Variants in IRAG2 observed in about 807,000 individuals in gnomAD.
The protein encoded by IRAG2 is lymphoid restricted membrane protein.
Under a neutral mutation model 69.9 loss-of-function variants are expected in IRAG2, and 45 were observed. The ratio of observed to expected loss-of-function variants is 0.64; its 90% CI spans 0.51 to 0.83. The LOEUF (loss-of-function observed/expected upper bound fraction) is 0.83. Ranked by LOEUF, IRAG2 falls within the 40% of genes least tolerant of loss-of-function variation. The pLI is 0.00. For missense variants in IRAG2, 520 were observed against 587.0 expected, an observed-to-expected ratio of 0.89 and a Z score of 1.18; for synonymous variants, 193 against 202.4, an observed-to-expected ratio of 0.95 and a Z score of 0.40.
At chr12:25,052,101 AC>A, upstream of IRAG2, 1 of 391,670 alleles carries the variant, frequency 2.6e-6, no homozygotes, top group African/African-American at 2.1e-5. Flanking sequence ...AAATACTTTC[AC>A]TTTTTCCTCT....
At chr12:25,011,354 C>T (rs1944473353) in exon 3 of IRAG2, 2 of 1,231,502 alleles carry the variant, frequency 1.6e-6, no homozygotes, top group Admixed American at 4.2e-5. Context: ...AACTGATCTG[C>T]TCTTCTTTTT....
chr12:25,059,499 G>A (rs1945475756), intron 1 of IRAG2, among the ~76,000 whole-genome samples: 1 of 151,988 alleles, frequency 6.6e-6, no homozygotes, highest in African/African-American at 2.4e-5. Context: ...CTACAGGTGT[G>A]TGCTACCATG....
chr12:25,101,734 G>A (rs1565590196), intron 16 of IRAG2, among the ~76,000 whole-genome samples: 1 of 152,216 alleles, frequency 6.6e-6, no homozygotes, highest in Non-Finnish European at 1.5e-5. Context: ...ACAGTAAGCT[G>A]ATTGATGAAC....
chr12:25,021,920 G>A (rs1944584260), intron 7 of IRAG2, among the ~76,000 whole-genome samples: 2 of 152,252 alleles, frequency 1.3e-5, no homozygotes, highest in Admixed American at 1.3e-4. Flanking sequence ...AGTCTATATG[G>A]ATGCATTATA....
upstream of IRAG2, among the ~76,000 whole-genome samples, chr12:25,002,787 GC>G (rs1944401922): frequency 6.6e-6 from 1 of 151,868 alleles, no homozygotes; most frequent in African/African-American, 2.4e-5. Context: ...GATTACAGTC[GC>G]CTGCCACCAT....
upstream of IRAG2, among the ~76,000 whole-genome samples, chr12:25,001,561 C>A (rs17376782): frequency 0.098 from 14,906 of 152,142 alleles, 898 homozygotes; most frequent in Non-Finnish European, 0.14. Context: ...GTTACAAATG[C>A]CTACAAAGTG....
At chr12:25,087,429 A>C (rs1947703625) in intron 10 of IRAG2, among the ~76,000 whole-genome samples, 2 of 151,766 alleles carry the variant, frequency 1.3e-5, no homozygotes, top group South Asian at 4.2e-4. Context: ...CAGCCTCCCA[A>C]AGTGTTGAGA....
intron 9 of IRAG2, among the ~76,000 whole-genome samples, chr12:25,027,398 C>CTTTTTTTTTTTTT (rs527395400): frequency 7.8e-6 from 1 of 128,484 alleles, no homozygotes. Flanking sequence ...CTTTTTTTTT[C>CTTTTTTTTTTTTT]TTTTTTTTTT....
At position 25,079,742 on chromosome 12, in the gene IRAG2, T is replaced by C. The variant is rs1244173730; in HGVS notation, c.223T>C (p.Ser75Pro). 1 of 1,613,452 alleles carries C rather than the reference T, an allele frequency of 6.2e-7. No individual in the cohort carries two copies. Among genetic ancestry groups the C allele is most frequent in the Admixed American group, 1.7e-5 (1 of 60,012 alleles). ...CKKEEDTRSA[S>P]PTIEAQGTSP... The stretch of plus-strand genomic sequence containing the variant: ...GAAAGAGGAGGATACAAGATCAGCT[T>C]CTCCCACGATAGAGGCCCAAGGTAA... The change falls in exon 9 of 22, where the codon TCT becomes CCT. Residue 75 changes from serine to proline, a missense_variant. Transcript: ENST00000556887.
chr12:25,081,905 G>T (rs765742280), intron 9 of IRAG2, among the ~76,000 whole-genome samples: 2 of 152,022 alleles, frequency 1.3e-5, no homozygotes, highest in Non-Finnish European at 2.9e-5. Flanking sequence ...GTTGGTTTTT[G>T]GTGCACATGG....
intron 11 of IRAG2, 75 bp from the exon 12 acceptor site, chr12:25,089,539 A>G (rs1947884121): frequency 1.2e-6 from 1 of 809,494 alleles, no homozygotes; most frequent in African/African-American, 1.7e-5. Context: ...TTTAGTGGAG[A>G]TATAACATTA....
At chr12:25,025,110 A>C (rs1360357894) in intron 8 of IRAG2, among the ~76,000 whole-genome samples, 6 of 152,216 alleles carry the variant, frequency 3.9e-5, no homozygotes, top group Non-Finnish European at 7.3e-5. Context: ...AAGATCTTAG[A>C]GCTATTCTAA....
intron 3 of IRAG2, among the ~76,000 whole-genome samples, chr12:25,013,070 G>C (rs1229902057): frequency 1.3e-5 from 2 of 152,172 alleles, no homozygotes; most frequent in East Asian, 3.8e-4. Flanking sequence ...TAGCCCATGT[G>C]GTGGACTGTG....
At position 25,013,866 on chromosome 12, in the gene IRAG2, C is replaced by CTTTTTTTTTTTTTTTTTTTTTTTTTTTT. The variant is rs71063386; in HGVS notation, c.897-1290_897-1289insTTTTTTTTTTTTTTTTTTTTTTTTTTTT. 1.0e-4 allele frequency among the ~76,000 whole-genome samples: 8 copies of CTTTTTTTTTTTTTTTTTTTTTTTTTTTT among 79,530 alleles called. 3 individuals carry two copies. Among genetic ancestry groups the CTTTTTTTTTTTTTTTTTTTTTTTTTTTT allele is most frequent in the Non-Finnish European group, 9.0e-5 (4 of 44,494 alleles). 52.2% of individuals were successfully genotyped at this position (79,530 alleles called of 152,430 possible). A position where few individuals can be genotyped will look rare whatever the true frequency, so the allele number is the denominator to read the frequency against. On this transcript the variant is annotated intron_variant, in intron 3 of 38. Coordinates refer to the IRAG2 transcript ENST00000636465. Reference sequence around the variant, plus strand: ...GGTTTTAATTTTTTGTTTTCTTTTTCTTTTTTTTTTTTTTTTTTTTTTTTT... The same window carrying CTTTTTTTTTTTTTTTTTTTTTTTTTTTT: ...GGTTTTAATTTTTTGTTTTCTTTTTCTTTTTTTTTTTTTTTTTTTTTTTTTTTTTTTTTTTTTTTTTTTTTTTTTTTTT...
At chr12:25,072,561 A>G (rs78554097) in intron 6 of IRAG2, among the ~76,000 whole-genome samples, 7,363 of 152,290 alleles carry the variant, frequency 0.048, 195 homozygotes, top group Middle Eastern at 0.11. Context: ...AAGCATTGTC[A>G]TTGGTAATAA....
chr12:25,043,844 T>C (rs1401377404), intron 16 of IRAG2, among the ~76,000 whole-genome samples: 4 of 152,180 alleles, frequency 2.6e-5, no homozygotes, highest in African/African-American at 9.7e-5. Context: ...TAGGAAAATA[T>C]GTTGCAAACA....
At chr12:25,041,431 T>C (rs1283148880) in intron 16 of IRAG2, among the ~76,000 whole-genome samples, 1 of 152,164 alleles carries the variant, frequency 6.6e-6, no homozygotes, top group East Asian at 1.9e-4. Context: ...GAATTATTTA[T>C]AGAGGGCAAA....
intron 16 of IRAG2, among the ~76,000 whole-genome samples, chr12:25,040,532 A>G (rs1284565774): frequency 6.6e-6 from 1 of 152,024 alleles, no homozygotes; most frequent in Non-Finnish European, 1.5e-5. Flanking sequence ...AGAGAGAGAG[A>G]AAAGAAAAGA....
At chr12:25,107,169 A>T (rs1351435054) in intron 21 of IRAG2, 119 bp downstream of exon 21, 2 of 462,932 alleles carry the variant, frequency 4.3e-6, no homozygotes, top group Non-Finnish European at 7.8e-6. Context: ...TGTATTTAAG[A>T]TGAATAACAA....
Sources: gnomAD v4.1 joint callset for allele counts (sites outside exome capture counted in the v4.1 genomes callset) on GRCh38, gnomAD v4.1.1 for gene constraint, MANE v1.5 for transcripts, NCBI Gene and HGNC (gene_info 2026-07-23, HGNC 2026-07-21) for gene names.